The following ANKRD44 variants were observed in gnomAD, a reference collection of about 807,000 sequenced individuals.
ANKRD44 encodes ankyrin repeat domain 44.
Under a neutral mutation model 116.0 loss-of-function variants are expected in ANKRD44, and 35 were observed. That is an observed-to-expected ratio of 0.30 (90% confidence interval 0.23 to 0.40). ANKRD44 has a LOEUF of 0.40. ANKRD44 is among the 10% of genes least tolerant of loss of function. ANKRD44 has a pLI of 1.00. For synonymous variants in ANKRD44, 435 were observed against 461.8 expected (o/e 0.94, Z 0.74); for missense variants, 1,014 against 1,242.6 (o/e 0.82, Z 2.77).
intron 17 of ANKRD44, among the ~76,000 whole-genome samples, chr2:197,024,612 G>A (rs1038933091): frequency 2.6e-5 from 4 of 152,164 alleles, no homozygotes; most frequent in Admixed American, 6.5e-5. Flanking sequence ...GAGAGGAAGC[G>A]TTACTGGTGA....
chr2:197,222,828 T>A (rs927175079), intron 1 of ANKRD44, among the ~76,000 whole-genome samples: 1 of 151,688 alleles, frequency 6.6e-6, no homozygotes, highest in Admixed American at 6.6e-5. Context: ...TTATTTTTTT[T>A]TTGAGACGGA....
At chr2:197,120,925 A>T (rs1267192443) in intron 8 of ANKRD44, among the ~76,000 whole-genome samples, 1 of 147,592 alleles carries the variant, frequency 6.8e-6, no homozygotes, top group Non-Finnish European at 1.5e-5. Flanking sequence ...GAAAAATAAC[A>T]CAACTTTTTT....
intron 2 of ANKRD44, among the ~76,000 whole-genome samples, chr2:197,147,372 A>T (rs2079530804): frequency 6.6e-6 from 1 of 151,600 alleles, no homozygotes. Flanking sequence ...TAGATGGATC[A>T]TTATGCCCTG....
downstream of ANKRD44, among the ~76,000 whole-genome samples, chr2:196,982,978 G>A (rs956166934): frequency 6.6e-5 from 10 of 152,052 alleles, no homozygotes; most frequent in African/African-American, 2.4e-4. Context: ...GTTGAACAAT[G>A]GGAACACATG....
At chr2:197,255,502 G>T (rs1290415578) in intron 1 of ANKRD44, among the ~76,000 whole-genome samples, 1 of 152,250 alleles carries the variant, frequency 6.6e-6, no homozygotes, top group African/African-American at 2.4e-5. Context: ...TATAAGCTAG[G>T]TATCCCTTCT....
At position 197,228,687 on chromosome 2, in the gene ANKRD44, C is replaced by T. The variant is rs150388579; in HGVS notation, c.28-41581G>A. ...GGCCGGCAGGGATCCAGCTGATTAG[C>T]AGAATTATCAGACACCACAGGCAAA... On this transcript the variant is annotated intron_variant, in intron 1 of 27. Coordinates refer to ENST00000282272, the MANE Select transcript of ANKRD44 (RefSeq NM_001195144.2). Among the ~76,000 whole-genome samples, 122 of 152,302 alleles carry T rather than the reference C, an allele frequency of 8.0e-4. 1 individual carries two copies. Among genetic ancestry groups the T allele is most frequent in the Middle Eastern group, 3.4e-3 (1 of 294 alleles).
intron 2 of ANKRD44, among the ~76,000 whole-genome samples, chr2:197,169,088 C>T (rs1354510783): frequency 1.3e-5 from 2 of 152,152 alleles, no homozygotes; most frequent in Non-Finnish European, 2.9e-5. Context: ...TCCTTTTCTA[C>T]CACCTTCCCC....
intron 16 of ANKRD44, among the ~76,000 whole-genome samples, chr2:197,032,263 G>A (rs1008873481): frequency 6.6e-6 from 1 of 152,158 alleles, no homozygotes; most frequent in Non-Finnish European, 1.5e-5. Context: ...GGTGGGCACT[G>A]CTACCCTAGA....
rs1037988148 is a variant in ANKRD44 at position 197,124,119 on chromosome 2, C to T, written c.550+1262G>A. Among the ~76,000 whole-genome samples the T allele has an allele frequency of 2.6e-5, 4 of 152,156 alleles. No homozygotes were observed. In the South Asian group the frequency reaches 8.3e-4, roughly 32 times the overall value. ...ACTGGCTCCAGTCCTGCAGGTGCCA[C>T]GCAGTCATTTCATATGCTTCAGCCA... On this transcript the variant is annotated intron_variant, in intron 6 of 27. Coordinates refer to ENST00000282272, the MANE Select transcript of ANKRD44 (RefSeq NM_001195144.2).
In ANKRD44 at chr2:196,974,415, AAAG is replaced by A. The variant is rs557586854; in HGVS notation, c.2369-6972_2369-6970del. ...CATATTCCTTAATGACCAGTGAGTC[AAAG>A]AAGAAGTTACAAAGGAAATTGGAAA... On this transcript the variant is annotated intron_variant, in intron 21 of 21. Coordinates refer to the ANKRD44 transcript ENST00000424317. Among the ~76,000 whole-genome samples the A allele has an allele frequency of 3.6e-4, 55 of 152,278 alleles. No individual in the cohort carries two copies. The South Asian group carries it at 0.011, about 30-fold the overall frequency.
chr2:197,081,830 C>T (rs2077805427), intron 14 of ANKRD44, 105 bp from the exon 15 acceptor site: 8 of 884,016 alleles, frequency 9.0e-6, no homozygotes, highest in South Asian at 1.5e-5. Context: ...TTTACCCCAA[C>T]CCAAAAGAAG....
intron 1 of ANKRD44, among the ~76,000 whole-genome samples, chr2:197,220,810 T>TG (rs2081568247): frequency 6.6e-6 from 1 of 152,252 alleles, no homozygotes; most frequent in Admixed American, 6.5e-5. Context: ...ATCTACTTTA[T>TG]GTTGACTCAC....
chr2:196,969,906 T>C (rs1190090977), intron 21 of ANKRD44, among the ~76,000 whole-genome samples: 3 of 152,202 alleles, frequency 2.0e-5, no homozygotes, highest in African/African-American at 7.2e-5. Flanking sequence ...GAATATATCC[T>C]TTTAGGAACA....
At chr2:197,080,516 G>GCCAGA (rs1366275904) in intron 15 of ANKRD44, among the ~76,000 whole-genome samples, 1 of 152,202 alleles carries the variant, frequency 6.6e-6, no homozygotes, top group Non-Finnish European at 1.5e-5. Context: ...CTGGCTCAGG[G>GCCAGA]CAAGCTTGCA....
At chr2:197,154,929 T>A (rs572880270) in intron 2 of ANKRD44, among the ~76,000 whole-genome samples, 5 of 152,318 alleles carry the variant, frequency 3.3e-5, no homozygotes, top group South Asian at 4.1e-4. Flanking sequence ...ATTTCTCATA[T>A]AGAAAATATA....
At chr2:197,065,867 G>A (rs1346767121) in intron 16 of ANKRD44, among the ~76,000 whole-genome samples, 1 of 152,188 alleles carries the variant, frequency 6.6e-6, no homozygotes, top group Non-Finnish European at 1.5e-5. Flanking sequence ...GGTACAAGGA[G>A]GAGCTGGTAC....
At chr2:197,207,461 C>T (rs1402825553) in intron 1 of ANKRD44, among the ~76,000 whole-genome samples, 1 of 152,196 alleles carries the variant, frequency 6.6e-6, no homozygotes, top group African/African-American at 2.4e-5. Context: ...TTTGCCACCT[C>T]TCAGATGACC....
chr2:197,220,751 T>G (rs1419993053), intron 1 of ANKRD44, among the ~76,000 whole-genome samples: 1 of 152,194 alleles, frequency 6.6e-6, no homozygotes, highest in Non-Finnish European at 1.5e-5. Context: ...TAAATCAGCA[T>G]TAAAACCTCT....
intron 8 of ANKRD44, among the ~76,000 whole-genome samples, chr2:197,113,623 A>G (rs2078640798): frequency 6.6e-6 from 1 of 152,248 alleles, no homozygotes; most frequent in South Asian, 2.1e-4. Flanking sequence ...TTGCAGGCAG[A>G]GAGACAAAGC....
Sources: allele counts gnomAD v4.1 joint callset (sites outside exome capture counted in the v4.1 genomes callset), GRCh38; gene constraint gnomAD v4.1.1; transcripts MANE v1.5; gene names NCBI Gene and HGNC (gene_info 2026-07-23, HGNC 2026-07-21).